Variants in LRRC38 observed in about 807,000 individuals in gnomAD.
The protein encoded by LRRC38 is leucine rich repeat containing 38.
LRRC38 carries 5 observed loss-of-function variants against 16.4 expected under a neutral mutation model. The observed-to-expected ratio is 0.31, with a 90% CI of 0.16 to 0.64. LRRC38 has a LOEUF of 0.64. Among genes scored for constraint, LRRC38 ranks in the 30% least tolerant of loss-of-function variants. The probability of loss-of-function intolerance (pLI) is 0.80; values close to 1 mark genes in which losing one functional copy is unlikely to be tolerated. For synonymous variants in LRRC38, 191 were observed against 190.2 expected (o/e 1.00, Z -0.04); for missense variants, 341 against 401.8 (o/e 0.85, Z 1.29).
At chr1:13,491,429 C>T (rs957448795) in intron 1 of LRRC38, among the ~76,000 whole-genome samples, 6 of 152,008 alleles carry the variant, frequency 3.9e-5, no homozygotes, top group African/African-American at 9.7e-5. Flanking sequence ...TGGGCTCAGG[C>T]GATCCTCCCA....
intron 1 of LRRC38, among the ~76,000 whole-genome samples, chr1:13,477,701 G>T (rs12566043): frequency 0.11 from 16,704 of 152,130 alleles, 1,184 homozygotes; most frequent in East Asian, 0.27. Flanking sequence ...AGCCAGGTGT[G>T]GTGGTACACA....
intron 1 of LRRC38, among the ~76,000 whole-genome samples, chr1:13,509,492 A>G (rs969655497): frequency 3.3e-5 from 5 of 151,902 alleles, no homozygotes; most frequent in African/African-American, 1.2e-4. Flanking sequence ...TATTCTCCCT[A>G]TGGCCCAGGA....
rs1639295610 is a variant in LRRC38 at position 13,513,221 on chromosome 1, G to A, written c.373C>T (p.Arg125Cys). 1 of 1,550,476 alleles carries A rather than the reference G, an allele frequency of 6.4e-7. No homozygotes were observed. Among genetic ancestry groups the A allele is most frequent in the Non-Finnish European group, 8.7e-7 (1 of 1,146,962 alleles). The change falls in exon 1 of 2, where the codon CGC becomes TGC. Residue 125 changes from arginine (R) to cysteine (C), a missense_variant. Arg to Cys is a radical substitution (Grantham distance 180). Coordinates refer to ENST00000376085, the MANE Select transcript of LRRC38 (RefSeq NM_001010847.2). ...NLTQLGAGAF[R>C]SAGRLVKLSL... ...AGCTTCACCAGCCTCCCGGCCGAGC[G>A]GAAGGCGCCGGCGCCCAGCTGGGTC... is the stretch of plus-strand genomic sequence containing the variant.
At chr1:13,509,516 C>T (rs1215585129) in intron 1 of LRRC38, among the ~76,000 whole-genome samples, 1 of 152,144 alleles carries the variant, frequency 6.6e-6, no homozygotes, top group African/African-American at 2.4e-5. Context: ...GGGCTAGGGA[C>T]AGCAAGTGTA....
chr1:13,486,588 C>CTTT (rs34927682), intron 1 of LRRC38, among the ~76,000 whole-genome samples: 8 of 127,650 alleles, frequency 6.3e-5, no homozygotes, highest in African/African-American at 1.6e-4. Context: ...CTTGGTGTAC[C>CTTT]TTTTTTTTTT....
intron 1 of LRRC38, among the ~76,000 whole-genome samples, chr1:13,488,201 C>T (rs1257848987): frequency 1.3e-5 from 2 of 151,796 alleles, no homozygotes; most frequent in African/African-American, 4.8e-5. Flanking sequence ...GATTTACTTA[C>T]CCAACCCCAG....
chr1:13,501,562 C>A (rs1427862417), intron 1 of LRRC38, among the ~76,000 whole-genome samples: 1 of 138,970 alleles, frequency 7.2e-6, no homozygotes, highest in Non-Finnish European at 1.6e-5. Flanking sequence ...GTGCACGCCA[C>A]CATGCCCGAC....
rs76214861 is a variant in LRRC38, at chr1:13,487,121, T to G, written c.632-11022A>C. Among the ~76,000 whole-genome samples the G allele has an allele frequency of 0.024, 3,671 of 152,316 alleles. 74 individuals are homozygous for G. Among genetic ancestry groups the G allele is most frequent in the Non-Finnish European group, 0.033 (2,269 of 68,024 alleles). ...CTCTTCTGAGCCTGCTTCTCCAGGC[T>G]TCTCTTCAATTCTGTGAACTATCTG... On this transcript the variant is annotated intron_variant, in intron 1 of 1. Transcript: ENST00000376085. The surrounding 1 kb of genome is among the most constrained non-coding windows in gnomAD (Gnocchi z 4.4).
intron 1 of LRRC38, among the ~76,000 whole-genome samples, chr1:13,509,026 C>T (rs766695743): frequency 2.6e-5 from 4 of 152,158 alleles, no homozygotes; most frequent in Non-Finnish European, 5.9e-5. Flanking sequence ...CATGGGGTAC[C>T]CAAGCCCCCG....
At position 13,476,146 on chromosome 1, in the gene LRRC38, A is replaced by T. The variant is rs767775481; in HGVS notation, c.632-47T>A. The T allele has an allele frequency of 1.1e-5, 17 of 1,536,128 alleles. No homozygotes were observed. In the African/African-American group the frequency reaches 1.5e-4, roughly 14 times the overall value. ...AGAGAGAGATTTAGACTGCAGCTCA[A>T]GGTTGCCTAAAAGTTGACAAGGCAG... On this transcript the variant is annotated intron_variant, in intron 1 of 1. Coordinates refer to ENST00000376085, the MANE Select transcript of LRRC38 (RefSeq NM_001010847.2).
At chr1:13,484,006 A>G (rs1286808550) in intron 1 of LRRC38, among the ~76,000 whole-genome samples, 1 of 151,964 alleles carries the variant, frequency 6.6e-6, no homozygotes, top group Non-Finnish European at 1.5e-5. Context: ...GAGATTTATT[A>G]CAACTACTTC....
At chr1:13,481,764 TCTCTCTCC>T (rs59951448) in intron 1 of LRRC38, among the ~76,000 whole-genome samples, 4,907 of 79,622 alleles carry the variant, frequency 0.062, 125 homozygotes, top group Middle Eastern at 0.11. Flanking sequence ...TTTCTTTCCC[TCTCTCTCC>T]CTCTCTCCCT....
chr1:13,502,413 G>T (rs576887605), intron 1 of LRRC38, among the ~76,000 whole-genome samples: 2 of 152,138 alleles, frequency 1.3e-5, no homozygotes, highest in East Asian at 3.9e-4. Flanking sequence ...CCCCAGCCTT[G>T]CTGCTCCCAG....
chr1:13,480,846 C>T (rs989651912), intron 1 of LRRC38, among the ~76,000 whole-genome samples: 6 of 152,142 alleles, frequency 3.9e-5, no homozygotes, highest in Non-Finnish European at 7.3e-5. Flanking sequence ...ATTAGCAGCA[C>T]GAGAACAGAC....
intron 1 of LRRC38, among the ~76,000 whole-genome samples, chr1:13,482,877 T>C (rs1381348221): frequency 6.6e-6 from 1 of 152,214 alleles, no homozygotes; most frequent in Non-Finnish European, 1.5e-5. Flanking sequence ...GCCTTGTTTA[T>C]TCCTCAGGCC....
chr1:13,503,005 C>T (rs1178458307), intron 1 of LRRC38, among the ~76,000 whole-genome samples: 3 of 152,214 alleles, frequency 2.0e-5, no homozygotes, highest in African/African-American at 7.2e-5. Flanking sequence ...CATACTCTTG[C>T]ACCTCCTGAT....
At chr1:13,505,106 G>C (rs1178904733) in intron 1 of LRRC38, among the ~76,000 whole-genome samples, 1 of 152,200 alleles carries the variant, frequency 6.6e-6, no homozygotes, top group African/African-American at 2.4e-5. Context: ...AAGCAAAGCT[G>C]TCCGATTCAG....
chr1:13,504,890 G>C (rs75661221), intron 1 of LRRC38, among the ~76,000 whole-genome samples: 2 of 151,746 alleles, frequency 1.3e-5, no homozygotes, highest in Non-Finnish European at 2.9e-5. Context: ...GAGAAACAAA[G>C]AAAGAAAAAA....
intron 1 of LRRC38, among the ~76,000 whole-genome samples, chr1:13,480,270 C>A (rs1028103111): frequency 2.6e-5 from 4 of 152,140 alleles, no homozygotes; most frequent in Non-Finnish European, 5.9e-5. Flanking sequence ...GCTTGAACCC[C>A]GGAGGTAGAG....
Sources: gnomAD v4.1 joint callset for allele counts (sites outside exome capture counted in the v4.1 genomes callset) on GRCh38, gnomAD v4.1.1 for gene constraint, Gnocchi (gnomAD v3.1) non-coding constraint, MANE v1.5 for transcripts, NCBI Gene and HGNC (gene_info 2026-07-23, HGNC 2026-07-21) for gene names.